Variants in HORMAD2 observed in about 807,000 individuals in gnomAD.
The protein encoded by HORMAD2 is HORMA domain containing 2, also known as HORMA domain-containing protein 2.
A neutral mutation model predicts 38.8 loss-of-function variants in HORMAD2; 45 were observed. That is an observed-to-expected ratio of 1.16 (90% CI 0.91 to 1.49). The LOEUF is 1.49. Among genes scored for constraint, HORMAD2 ranks in the 40% most tolerant of loss-of-function variants. HORMAD2 has a pLI of 0.00. For missense variants in HORMAD2, 338 were observed against 367.0 expected, an observed-to-expected ratio of 0.92 and a Z score of 0.65; for synonymous variants, 126 against 122.8, an observed-to-expected ratio of 1.03 and a Z score of -0.17.
chr22:30,145,476 T>C (rs1924357924), intron 10 of HORMAD2, among the ~76,000 whole-genome samples: 3 of 152,060 alleles, frequency 2.0e-5, no homozygotes, highest in African/African-American at 7.2e-5. Context: ...AACATCAATA[T>C]AATGAAGAGA....
rs1425829494 is a variant in HORMAD2 at position 30,139,413 on chromosome 22, T to C, written c.819+17199T>C. Among the ~76,000 whole-genome samples the C allele has an allele frequency of 2.7e-5, 4 of 150,634 alleles. No homozygotes were observed. In the East Asian group the frequency reaches 7.8e-4, roughly 29 times the overall value. On this transcript the variant is annotated intron_variant, in intron 10 of 10. Coordinates refer to ENST00000336726, the MANE Select transcript of HORMAD2 (RefSeq NM_152510.4). Reference sequence around the variant, plus strand: ...TTCTGTTTCTCTAGAGAACCCTGACTGATACGCTTGCTGAACTCGTTGAAT... The same window carrying C: ...TTCTGTTTCTCTAGAGAACCCTGACCGATACGCTTGCTGAACTCGTTGAAT...
At position 30,089,040 on chromosome 22, in the gene HORMAD2, A is replaced by G. The variant is rs181326706; in HGVS notation, c.-37-4876A>G. 2.5e-3 allele frequency among the ~76,000 whole-genome samples: 380 copies of G among 152,306 alleles called. 1 individual carries two copies. Among genetic ancestry groups the G allele is most frequent in the Middle Eastern group, 6.8e-3 (2 of 294 alleles). ...AGTCTCATATATAAAATATTGTAAA[A>G]GAGTGTCCCCTAGTGCCCCTCTGAA... On this transcript the variant is annotated intron_variant, in intron 1 of 10. Transcript: ENST00000336726.
chr22:30,098,782 G>A, intron 2 of HORMAD2, 70 bp from the exon 3 acceptor site: 2 of 1,276,154 alleles, frequency 1.6e-6, no homozygotes, highest in Non-Finnish European at 2.2e-6. Flanking sequence ...CATCATATAT[G>A]TGGTAATGAT....
chr22:30,155,077 A>G (rs75005017), intron 10 of HORMAD2, among the ~76,000 whole-genome samples: 1 of 119,340 alleles, frequency 8.4e-6, no homozygotes, highest in African/African-American at 3.2e-5. Context: ...TGCTTTTTTT[A>G]AAAAAAAAAA....
At chr22:30,090,685 A>G (rs1401665117) in intron 1 of HORMAD2, among the ~76,000 whole-genome samples, 4 of 152,336 alleles carry the variant, frequency 2.6e-5, no homozygotes, top group Admixed American at 6.5e-5. Context: ...TAATTTCTCC[A>G]CATCCTTACC....
intron 7 of HORMAD2, among the ~76,000 whole-genome samples, chr22:30,116,034 A>C (rs1300179493): frequency 6.6e-6 from 1 of 152,234 alleles, no homozygotes; most frequent in Non-Finnish European, 1.5e-5. Flanking sequence ...TGTCTACTTC[A>C]GAGTGTTGGC....
intron 5 of HORMAD2, among the ~76,000 whole-genome samples, chr22:30,106,718 T>G (rs527838688): frequency 6.6e-6 from 1 of 152,232 alleles, no homozygotes; most frequent in African/African-American, 2.4e-5. Context: ...ACTTAACACC[T>G]GTGTGACCTT....
chr22:30,167,161 T>G (rs1030523394), intron 10 of HORMAD2, among the ~76,000 whole-genome samples: 25 of 152,312 alleles, frequency 1.6e-4, no homozygotes, highest in African/African-American at 5.1e-4. Context: ...CAGCAGTCTC[T>G]GACCCTATTG....
chr22:30,195,919 C>G, the HORMAD2 span, among the ~76,000 whole-genome samples: 1 of 152,184 alleles, frequency 6.6e-6, no homozygotes, highest in African/African-American at 2.4e-5. Context: ...ACTGTTTGAG[C>G]CTTGTACTTA....
At chr22:30,113,438 C>T (rs987005060) in intron 7 of HORMAD2, among the ~76,000 whole-genome samples, 1 of 151,814 alleles carries the variant, frequency 6.6e-6, no homozygotes, top group South Asian at 2.1e-4. Flanking sequence ...GGGGTTTCAC[C>T]GTGTTGGCCA....
chr22:30,092,015 T>A (rs1460701841), intron 1 of HORMAD2, among the ~76,000 whole-genome samples: 2 of 151,560 alleles, frequency 1.3e-5, no homozygotes, highest in African/African-American at 4.8e-5. Context: ...AAGCTGGGAC[T>A]ACAGGTGCAT....
At chr22:30,116,270 G>C (rs745957110) in intron 7 of HORMAD2, among the ~76,000 whole-genome samples, 140 of 152,154 alleles carry the variant, frequency 9.2e-4, no homozygotes, top group Non-Finnish European at 1.7e-3. Context: ...GGACAGATGG[G>C]TAGGGCCTTG....
chr22:30,081,600 T>C (rs4820827), intron 1 of HORMAD2, among the ~76,000 whole-genome samples: 106,164 of 151,390 alleles, frequency 0.7, 38,247 homozygotes, highest in South Asian at 0.87. Context: ...TTTTGTGAGA[T>C]GGAGTCGAGC....
chr22:30,103,807 G>T (rs1472169006), intron 4 of HORMAD2, among the ~76,000 whole-genome samples: 6 of 151,350 alleles, frequency 4.0e-5, no homozygotes, highest in Admixed American at 2.6e-4. Flanking sequence ...GACTACAGGT[G>T]CATGCCACCA....
intron 8 of HORMAD2, 143 bp downstream of exon 8, chr22:30,119,190 G>A: frequency 1.6e-6 from 1 of 612,276 alleles, no homozygotes; most frequent in Non-Finnish European, 2.9e-6. Flanking sequence ...AAAAGGGGCT[G>A]CAACAATTGT....
At chr22:30,181,896 G>A (rs528917838), downstream of HORMAD2, among the ~76,000 whole-genome samples, 99 of 152,302 alleles carry the variant, frequency 6.5e-4, no homozygotes, top group South Asian at 5.8e-3. Flanking sequence ...CCTTATCACC[G>A]GAAGTGTTCA....
At chr22:30,134,037 C>T (rs1386206682) in intron 10 of HORMAD2, among the ~76,000 whole-genome samples, 1 of 152,124 alleles carries the variant, frequency 6.6e-6, no homozygotes, top group Non-Finnish European at 1.5e-5. Context: ...CAAACTTTAT[C>T]ACTAAAGGTA....
chr22:30,139,379 T>C lies in HORMAD2; in HGVS notation c.819+17165T>C, dbSNP rs192255408. Among the ~76,000 whole-genome samples, 865 of 148,692 alleles carry C rather than the reference T, an allele frequency of 5.8e-3. 5 individuals are homozygous for C. The highest frequency in any genetic ancestry group is 0.011 in the Middle Eastern group (3 of 284). On this transcript the variant is annotated intron_variant, in intron 10 of 10. Transcript: ENST00000336726. ...ATATACTTATATATATATTTTTTCA[T>C]CCTACTAGTTCTGTTTCTCTAGAGA... is the stretch of plus-strand genomic sequence containing the variant.
the HORMAD2 span, among the ~76,000 whole-genome samples, chr22:30,195,622 G>A: frequency 6.6e-6 from 1 of 152,244 alleles, no homozygotes; most frequent in African/African-American, 2.4e-5. Context: ...CCTTTCTGAA[G>A]ATAGAAATTA....
Sources: allele counts gnomAD v4.1 joint callset (sites outside exome capture counted in the v4.1 genomes callset), GRCh38; gene constraint gnomAD v4.1.1; transcripts MANE v1.5; gene names NCBI Gene and HGNC (gene_info 2026-07-23, HGNC 2026-07-21).